PCDH15: variants seen among roughly 807,000 people sequenced by gnomAD.
PCDH15 encodes protocadherin related 15, also known as protocadherin-15.
A neutral mutation model predicts 178.5 loss-of-function variants in PCDH15; 129 were observed. The ratio of observed to expected loss-of-function variants is 0.72; its 90% CI spans 0.63 to 0.84. The LOEUF is 0.84. PCDH15 is among the 40% of genes least tolerant of loss of function. The pLI is 0.00. For synonymous variants in PCDH15, 800 were observed against 732.0 expected, an observed-to-expected ratio of 1.09 and a Z score of -1.50; for missense variants, 2,230 against 2,099.9, an observed-to-expected ratio of 1.06 and a Z score of -1.21.
intron 8 of PCDH15, among the ~76,000 whole-genome samples, chr10:54,290,469 A>G (rs1242630634): frequency 6.6e-6 from 1 of 152,252 alleles, no homozygotes; most frequent in East Asian, 1.9e-4. Context: ...CATGGATGCT[A>G]TGAAGAAACT....
chr10:54,656,375 G>A (rs2094407383), intron 2 of PCDH15, among the ~76,000 whole-genome samples: 1 of 152,044 alleles, frequency 6.6e-6, no homozygotes, highest in African/African-American at 2.4e-5. Flanking sequence ...CCCTCACCCT[G>A]GCAACAACCT....
At chr10:54,909,811 G>C (rs1591777186) in intron 2 of PCDH15, among the ~76,000 whole-genome samples, 1 of 151,978 alleles carries the variant, frequency 6.6e-6, no homozygotes, top group African/African-American at 2.4e-5. Context: ...CTCCACTTGG[G>C]GGCCCTTCTC....
chr10:53,899,378 T>A (rs1052024681), intron 26 of PCDH15, among the ~76,000 whole-genome samples: 1 of 152,196 alleles, frequency 6.6e-6, no homozygotes, highest in African/African-American at 2.4e-5. Flanking sequence ...AATGTTTTTA[T>A]TGTGTCACTT....
chr10:55,043,840 G>A (rs1221643264), intron 2 of PCDH15, among the ~76,000 whole-genome samples: 1 of 152,060 alleles, frequency 6.6e-6, no homozygotes, highest in African/African-American at 2.4e-5. Flanking sequence ...TGCTTACATA[G>A]CCAGTTGCTC....
rs150067985 is a variant in PCDH15, at chr10:54,214,882, C to T, written c.986-834G>A. Among the ~76,000 whole-genome samples, 388 of 152,286 alleles carry T rather than the reference C, an allele frequency of 2.5e-3. 2 individuals carry two copies. Among genetic ancestry groups the T allele is most frequent in the African/African-American group, 9.1e-3 (380 of 41,544 alleles). On this transcript the variant is annotated intron_variant, in intron 9 of 37. Coordinates refer to ENST00000644397, the MANE Select transcript of PCDH15 (RefSeq NM_001384140.1). ...CTAGAATTACAGGTGTGAGCCACCACGCCTAGCCAAGATGGTATTTCTTAA... is the reference window on the plus strand; with the variant it reads ...CTAGAATTACAGGTGTGAGCCACCATGCCTAGCCAAGATGGTATTTCTTAA...
intron 27 of PCDH15, among the ~76,000 whole-genome samples, chr10:53,859,805 G>A (rs1050722909): frequency 2.1e-4 from 32 of 152,094 alleles, no homozygotes; most frequent in African/African-American, 7.7e-4. Context: ...GATATATGAT[G>A]TGAACAAAAA....
chr10:53,811,264 A>T (rs2075853801), intron 36 of PCDH15, among the ~76,000 whole-genome samples: 2 of 152,192 alleles, frequency 1.3e-5, no homozygotes, highest in South Asian at 4.1e-4. Flanking sequence ...GAATTGAGCA[A>T]ATATGTTTCA....
chr10:54,453,658 A>T lies in PCDH15; in HGVS notation c.157+74154T>A, dbSNP rs190237189. 5.2e-3 allele frequency among the ~76,000 whole-genome samples: 784 copies of T among 150,468 alleles called. 6 individuals are homozygous for T. Among genetic ancestry groups the T allele is most frequent in the African/African-American group, 0.017 (706 of 41,404 alleles). On this transcript the variant is annotated intron_variant, in intron 3 of 37. Transcript: ENST00000644397. ...ACCCTAAAACTTAAAGTATAATTTT[A>T]AAAAAAAGAAAAAAAAAAGAAAGTG...
At chr10:55,430,423 GT>G (rs1191788665) in intron 2 of PCDH15, among the ~76,000 whole-genome samples, 1 of 152,170 alleles carries the variant, frequency 6.6e-6, no homozygotes, top group African/African-American at 2.4e-5. Flanking sequence ...AATCATTTAT[GT>G]TTTGATATAT....
chr10:54,207,628 A>C (rs2050956466), intron 10 of PCDH15, among the ~76,000 whole-genome samples: 1 of 151,852 alleles, frequency 6.6e-6, no homozygotes, highest in Non-Finnish European at 1.5e-5. Context: ...GGTATCAGGC[A>C]CCCTGTGGAG....
intron 3 of PCDH15, among the ~76,000 whole-genome samples, chr10:54,496,797 G>T (rs2080158424): frequency 6.6e-6 from 1 of 152,016 alleles, no homozygotes; most frequent in African/African-American, 2.4e-5. Context: ...TTTAAAAATA[G>T]TAAATACTAT....
At chr10:54,006,613 A>C (rs1278413798) in intron 20 of PCDH15, among the ~76,000 whole-genome samples, 1 of 152,206 alleles carries the variant, frequency 6.6e-6, no homozygotes, top group African/African-American at 2.4e-5. Flanking sequence ...ATGGAGCATC[A>C]GTAGCACGTA....
At chr10:54,080,596 T>C in intron 16 of PCDH15, among the ~76,000 whole-genome samples, 1 of 152,144 alleles carries the variant, frequency 6.6e-6, no homozygotes, top group East Asian at 1.9e-4. Flanking sequence ...TCATATCACA[T>C]ATGGTAGTTG....
At chr10:54,849,549 C>T (rs1461175861) in intron 3 of PCDH15, among the ~76,000 whole-genome samples, 2 of 152,090 alleles carry the variant, frequency 1.3e-5, no homozygotes, top group Non-Finnish European at 2.9e-5. Context: ...GACCTATTTC[C>T]GCTGGGGCTT....
At chr10:54,624,898 C>G (rs1399613422) in intron 2 of PCDH15, among the ~76,000 whole-genome samples, 5 of 152,180 alleles carry the variant, frequency 3.3e-5, no homozygotes, top group Non-Finnish European at 7.3e-5. Context: ...AAAACAAGCT[C>G]AGGACTCCCA....
Position 54,430,330 on chromosome 10 carries a change from C to T in PCDH15, c.158-51388G>A, listed in dbSNP as rs1412995561. Reference sequence around the variant, plus strand: ...TCAGCCTACCAAAGTGTTTGGATTACAGGCGTGAGCCACCACACCCGGCCA... The same window carrying T: ...TCAGCCTACCAAAGTGTTTGGATTATAGGCGTGAGCCACCACACCCGGCCA... On this transcript the variant is annotated intron_variant, in intron 3 of 37. Transcript: ENST00000644397. Among the ~76,000 whole-genome samples, 6 of 152,216 alleles carry T rather than the reference C, an allele frequency of 3.9e-5. No homozygotes were observed. In the East Asian group the frequency reaches 1.2e-3, roughly 29 times the overall value.
At chr10:53,828,517 C>T in intron 31 of PCDH15, 48 bp downstream of exon 31, 1 of 1,479,666 alleles carries the variant, frequency 6.8e-7, no homozygotes, top group Admixed American at 1.7e-5. Flanking sequence ...TCGGGTTTCT[C>T]TTTTCCTATT....
chr10:55,445,730 C>A (rs1160189497), intron 2 of PCDH15, among the ~76,000 whole-genome samples: 1 of 152,020 alleles, frequency 6.6e-6, no homozygotes, highest in Non-Finnish European at 1.5e-5. Context: ...AATCCAAGAG[C>A]TTCACAAATG....
chr10:54,497,250 A>G (rs551363673), intron 3 of PCDH15, among the ~76,000 whole-genome samples: 50 of 152,082 alleles, frequency 3.3e-4, no homozygotes, highest in African/African-American at 6.3e-4. Flanking sequence ...CAGGAAAAAA[A>G]AAAAAACCCT....
Sources: allele counts gnomAD v4.1 joint callset (sites outside exome capture counted in the v4.1 genomes callset), GRCh38; gene constraint gnomAD v4.1.1; transcripts MANE v1.5; gene names NCBI Gene and HGNC (gene_info 2026-07-23, HGNC 2026-07-21).